LRRC41: variants seen among roughly 807,000 people sequenced by gnomAD.
LRRC41 encodes leucine rich repeat containing 41.
In LRRC41, 17 loss-of-function variants were observed where a neutral mutation model predicts 72.1. That is an observed-to-expected ratio of 0.24 (90% CI 0.16 to 0.35). The LOEUF is 0.35. Ranked by LOEUF, LRRC41 falls within the 10% of genes least tolerant of loss-of-function variation. The pLI, the probability that LRRC41 is intolerant of heterozygous loss-of-function variation, is 1.00. For synonymous variants in LRRC41, 427 were observed against 431.0 expected (o/e 0.99, Z 0.11); for missense variants, 759 against 1,065.0 (o/e 0.71, Z 4.00).
intron 1 of LRRC41, chr1:46,299,596 G>A (rs1247945904): frequency 6.6e-6 from 1 of 151,340 alleles, no homozygotes; most frequent in African/African-American, 2.4e-5. Context: ...TAAAAAATAG[G>A]TGGGATGCAA....
At position 46,302,548 on chromosome 1, in the gene LRRC41, C is replaced by T. The variant is rs1661262637; in HGVS notation, c.199+576G>A. On this transcript the variant is annotated intron_variant, in intron 1 of 9. Coordinates refer to ENST00000617190, the MANE Select transcript of LRRC41 (RefSeq NM_006369.5). This position sits in a 1 kb window ranked among gnomAD's most constrained non-coding sequence, Gnocchi z 4.7. ...CCCGACCCTTTCGTTCGGCCTCTCC[C>T]CCTGCCCCATTCCCTCGCTCTCCAA... 3.0e-6 allele frequency: 3 copies of T among 985,282 alleles called. No individual in the cohort carries two copies. Among genetic ancestry groups the T allele is most frequent in the Non-Finnish European group, 3.6e-6 (3 of 829,908 alleles). The allele number at this position is 985,282 out of a possible 1,614,324, so 61.0% of individuals were successfully genotyped here.
At chr1:46,292,940 C>G (rs1473459880) in intron 3 of LRRC41, among the ~76,000 whole-genome samples, 1 of 152,186 alleles carries the variant, frequency 6.6e-6, no homozygotes, top group Non-Finnish European at 1.5e-5. Flanking sequence ...AATCCCAGCA[C>G]TTTGGGAGAC....
rs1660867682 is a variant in LRRC41 at position 46,285,600 on chromosome 1, A to G, written c.1257T>C (p.Ile419=). ...ESEDLYDFVF[I]VAGEKEDGEE... ...CGCCATCCTCCTTCTCGCCAGCCACAATAAAAACGAAGTCATACAGGTCTT... is the reference window on the plus strand; with the variant it reads ...CGCCATCCTCCTTCTCGCCAGCCACGATAAAAACGAAGTCATACAGGTCTT... The change falls in exon 4 of 10, where the codon ATT becomes ATC. Residue 419 remains isoleucine, a synonymous_variant. Coordinates refer to ENST00000617190, the MANE Select transcript of LRRC41 (RefSeq NM_006369.5). The surrounding 1 kb of genome is among the most constrained non-coding windows in gnomAD (Gnocchi z 5.3). The G allele has an allele frequency of 6.2e-7, 1 of 1,613,706 alleles. No homozygotes were observed. Among genetic ancestry groups the G allele is most frequent in the Admixed American group, 1.7e-5 (1 of 59,942 alleles).
At chr1:46,283,747 C>T (rs1463354146) in intron 4 of LRRC41, among the ~76,000 whole-genome samples, 1 of 151,582 alleles carries the variant, frequency 6.6e-6, no homozygotes, top group South Asian at 2.1e-4. Context: ...ACTCTGTTGC[C>T]CAGGTTAAAG....
chr1:46,303,506 A>G lies in LRRC41; in HGVS notation c.-184T>C, dbSNP rs891373289. 8.0e-6 allele frequency: 6 copies of G among 745,526 alleles called. No homozygotes were observed. Among genetic ancestry groups the G allele is most frequent in the Non-Finnish European group, 1.1e-5 (5 of 470,768 alleles). 46.2% of individuals were successfully genotyped at this position (745,526 alleles called of 1,614,324 possible). On this transcript the variant is annotated 5_prime_UTR_variant, in exon 1 of 10. Transcript: ENST00000617190. ...CTATTTTAGATAAACTCCTAGATCA[A>G]TTATACTTGGGTGTGGTATGACTAA...
At chr1:46,290,647 T>G (rs1399728842) in intron 3 of LRRC41, among the ~76,000 whole-genome samples, 3 of 150,298 alleles carry the variant, frequency 2.0e-5, no homozygotes, top group African/African-American at 7.3e-5. Flanking sequence ...GTCGCCCTGG[T>G]CTGGGCTGGA....
chr1:46,282,543 C>A (rs979435143), intron 4 of LRRC41, among the ~76,000 whole-genome samples: 1 of 152,068 alleles, frequency 6.6e-6, no homozygotes, highest in African/African-American at 2.4e-5. Flanking sequence ...TATGAAATTA[C>A]AAAGGATGAG....
At position 46,290,915 on chromosome 1, in the gene LRRC41, AGTT is replaced by A. The variant is rs1369036007; in HGVS notation, c.358-4419_358-4417del. On this transcript the variant is annotated intron_variant, in intron 3 of 9. Transcript: ENST00000617190. ...AAGCCACCATGCCCGGCCTGTTTCT[AGTT>A]TTTTTTTTTTTTTTTTTTTTTTTTT... Among the ~76,000 whole-genome samples, 49 of 32,780 alleles carry A rather than the reference AGTT, an allele frequency of 1.5e-3. 1 individual carries two copies. In the Admixed American group the frequency reaches 0.018, roughly 12 times the overall value. The allele number at this position is 32,780 out of a possible 152,430, so 21.5% of individuals were successfully genotyped here.
rs1569664856 is a variant in LRRC41 at position 46,298,161 on chromosome 1, G to A, written c.286+123C>T. On this transcript the variant is annotated intron_variant, in intron 2 of 9. Transcript: ENST00000617190. Reference sequence around the variant, plus strand: ...ACTGAGGAATGAGGAAGAAAAATAGGTGTGAAGGTACTTTTTGAAAAGCAC... The same window carrying A: ...ACTGAGGAATGAGGAAGAAAAATAGATGTGAAGGTACTTTTTGAAAAGCAC... 28 of 653,410 alleles carry A rather than the reference G, an allele frequency of 4.3e-5. No homozygotes were observed. The East Asian group carries it at 7.3e-4, about 17-fold the overall frequency. 40.5% of individuals were successfully genotyped at this position (653,410 alleles called of 1,614,324 possible).
At position 46,279,683 on chromosome 1, in the gene LRRC41, T is replaced by C. The variant is rs1229480896; in HGVS notation, c.2021-69A>G. The C allele has an allele frequency of 6.3e-7, 1 of 1,599,012 alleles. No individual in the cohort carries two copies. The highest frequency in any genetic ancestry group is 8.6e-7 in the Non-Finnish European group (1 of 1,169,404). ...CTGGTGCTGCCCCTCCTGCCCCAGT[T>C]GGCCCTAGCAAGGGGTATTAACATT... is the stretch of plus-strand genomic sequence containing the variant. On this transcript the variant is annotated intron_variant, in intron 7 of 9. Coordinates refer to ENST00000617190, the MANE Select transcript of LRRC41 (RefSeq NM_006369.5). This position sits in a 1 kb window ranked among gnomAD's most constrained non-coding sequence, Gnocchi z 4.5.
Position 46,285,790 on chromosome 1 carries a change from C to T in LRRC41, c.1067G>A (p.Arg356Gln), listed in dbSNP as rs150541277. 27 of 1,593,948 alleles carry T rather than the reference C, an allele frequency of 1.7e-5. No homozygotes were observed. The highest frequency in any genetic ancestry group is 3.6e-5 in the Admixed American group (2 of 55,976). The change falls in exon 4 of 10, where the codon CGG (arginine) becomes CAG (glutamine). Residue 356 changes from arginine to glutamine, a missense_variant. Physicochemically the swap from Arg to Gln is conservative, Grantham distance 43 (BLOSUM62 1). Coordinates refer to ENST00000617190, the MANE Select transcript of LRRC41 (RefSeq NM_006369.5). This position sits in a 1 kb window ranked among gnomAD's most constrained non-coding sequence, Gnocchi z 5.3. Reference protein sequence around the residue: ...ATSHEAPGTKRSPSAPAATSS... With the variant: ...ATSHEAPGTKQSPSAPAATSS... ...GGTGGCTGCTGGAGCAGAAGGTGAC[C>T]GCTTGGTGCCAGGAGCCTCATGGGA...
intron 4 of LRRC41, 32 bp from the exon 5 acceptor site, chr1:46,281,417 T>G: frequency 1.2e-6 from 2 of 1,607,754 alleles, no homozygotes; most frequent in Middle Eastern, 1.7e-4. Flanking sequence ...GTCAGAACCA[T>G]GTGGGAGTGT....
At chr1:46,289,817 T>G (rs1024328260) in intron 3 of LRRC41, among the ~76,000 whole-genome samples, 1 of 152,126 alleles carries the variant, frequency 6.6e-6, no homozygotes, top group Non-Finnish European at 1.5e-5. Context: ...TGAGATCTAG[T>G]CCAGACCACT....
At position 46,279,656 on chromosome 1, in the gene LRRC41, G is replaced by T; in HGVS notation, c.2021-42C>A. 6.2e-7 allele frequency: 1 copy of T among 1,612,722 alleles called. No homozygotes were observed. Among genetic ancestry groups the T allele is most frequent in the South Asian group, 1.1e-5 (1 of 90,942 alleles). ...TAGTAAATTCTGATGGCTGCATTAG[G>T]ACTGGTGCTGCCCCTCCTGCCCCAG... On this transcript the variant is annotated intron_variant, in intron 7 of 9. Coordinates refer to ENST00000617190, the MANE Select transcript of LRRC41 (RefSeq NM_006369.5). This position sits in a 1 kb window ranked among gnomAD's most constrained non-coding sequence, Gnocchi z 4.5.
chr1:46,289,309 A>C (rs1399336167), intron 3 of LRRC41, among the ~76,000 whole-genome samples: 1 of 152,182 alleles, frequency 6.6e-6, no homozygotes, highest in East Asian at 1.9e-4. Flanking sequence ...TTTCTGCCTT[A>C]GTTTCATCAT....
In LRRC41 at chr1:46,279,723, A is replaced by G; in HGVS notation, c.2021-109T>C. The G allele has an allele frequency of 7.6e-7, 1 of 1,309,644 alleles. No individual in the cohort carries two copies. The highest frequency in any genetic ancestry group is 1.1e-6 in the Non-Finnish European group (1 of 936,772). The allele number at this position is 1,309,644 out of a possible 1,614,324, so 81.1% of individuals were successfully genotyped here. On this transcript the variant is annotated intron_variant, in intron 7 of 9. Transcript: ENST00000617190. The surrounding 1 kb of genome is among the most constrained non-coding windows in gnomAD (Gnocchi z 4.5). ...GTATTAACATTATAGAGGCCCAAAAAGAGGAAGGAATTTGTCTAGACTCCA... is the reference window on the plus strand; with the variant it reads ...GTATTAACATTATAGAGGCCCAAAAGGAGGAAGGAATTTGTCTAGACTCCA...
At chr1:46,294,095 A>G (rs1251689430) in intron 3 of LRRC41, among the ~76,000 whole-genome samples, 1 of 149,182 alleles carries the variant, frequency 6.7e-6, no homozygotes, top group Non-Finnish European at 1.5e-5. Context: ...ATTTTTTTCT[A>G]TTCTTTGGTG....
intron 3 of LRRC41, chr1:46,297,016 G>T (rs1033523121): frequency 1.3e-5 from 2 of 152,172 alleles, no homozygotes; most frequent in African/African-American, 4.8e-5. Context: ...ATCTCCACGG[G>T]TAGCCTGACC....
Position 46,302,299 on chromosome 1 carries a change from C to A in LRRC41, c.199+825G>T. ...CGCTTGGGGCCTCCTTGGCCCTTCCCGCCTGTCCGTCATTCGAGCCTCCCT... is the reference window on the plus strand; with the variant it reads ...CGCTTGGGGCCTCCTTGGCCCTTCCAGCCTGTCCGTCATTCGAGCCTCCCT... On this transcript the variant is annotated intron_variant, in intron 1 of 9. Transcript: ENST00000617190. The surrounding 1 kb of genome is among the most constrained non-coding windows in gnomAD (Gnocchi z 4.7). 1.0e-6 allele frequency: 1 copy of A among 985,374 alleles called. No individual in the cohort carries two copies. The highest frequency in any genetic ancestry group is 1.2e-6 in the Non-Finnish European group (1 of 829,900). The allele number at this position is 985,374 out of a possible 1,614,324, so 61.0% of individuals were successfully genotyped here. A position where few individuals can be genotyped will look rare whatever the true frequency, so the allele number is the denominator to read the frequency against.
Sources: allele counts gnomAD v4.1 joint callset (sites outside exome capture counted in the v4.1 genomes callset), GRCh38; gene constraint gnomAD v4.1.1; non-coding constraint Gnocchi (gnomAD v3.1); transcripts MANE v1.5; gene names NCBI Gene and HGNC (gene_info 2026-07-23, HGNC 2026-07-21).